PCSK6: variants seen among roughly 807,000 people sequenced by gnomAD.
PCSK6 encodes the protein proprotein convertase subtilisin/kexin type 6, also known as paired basic amino acid cleaving enzyme 4.
A neutral mutation model predicts 123.3 loss-of-function variants in PCSK6; 85 were observed. The observed-to-expected ratio is 0.69, with a 90% CI of 0.58 to 0.83. The LOEUF is 0.83. PCSK6 is among the 40% of genes least tolerant of loss of function. The probability of loss-of-function intolerance (pLI) is 0.00; values close to 1 mark genes in which losing one functional copy is unlikely to be tolerated. For synonymous variants in PCSK6, 508 were observed against 516.0 expected, an observed-to-expected ratio of 0.98 and a Z score of 0.21; for missense variants, 1,191 against 1,282.3, an observed-to-expected ratio of 0.93 and a Z score of 1.09.
chr15:101,360,648 G>GAACGCTTTGCTT, intron 13 of PCSK6, among the ~76,000 whole-genome samples: 1 of 128,926 alleles, frequency 7.8e-6, no homozygotes. Flanking sequence ...AGCATCCCCT[G>GAACGCTTTGCTT]GAACACACCA....
intron 17 of PCSK6, among the ~76,000 whole-genome samples, chr15:101,322,875 G>C (rs1418437323): frequency 1.3e-5 from 2 of 152,350 alleles, no homozygotes; most frequent in Middle Eastern, 3.4e-3. Context: ...AACAGGGATG[G>C]AGGCCAATTC....
At chr15:101,447,867 G>A (rs989917744) in intron 1 of PCSK6, among the ~76,000 whole-genome samples, 1 of 152,104 alleles carries the variant, frequency 6.6e-6, no homozygotes, top group Non-Finnish European at 1.5e-5. Context: ...TTAGAATCAG[G>A]AGCGGTGGCT....
intron 15 of PCSK6, among the ~76,000 whole-genome samples, chr15:101,330,909 T>G (rs1224605972): frequency 1.3e-5 from 2 of 152,232 alleles, no homozygotes; most frequent in African/African-American, 4.8e-5. Context: ...TTGATATGTG[T>G]TGGTGGAATT....
At chr15:101,487,663 A>T (rs1435604682) in intron 1 of PCSK6, among the ~76,000 whole-genome samples, 2 of 152,226 alleles carry the variant, frequency 1.3e-5, no homozygotes, top group African/African-American at 4.8e-5. Context: ...GCGTAGTTTA[A>T]GAGTCACTTT....
intron 9 of PCSK6, among the ~76,000 whole-genome samples, chr15:101,388,643 T>C (rs7168748): frequency 0.85 from 128,952 of 152,184 alleles, 54,873 homozygotes; most frequent in Admixed American, 0.87. Flanking sequence ...AGCCAGCCCC[T>C]GTGTCCTACA....
chr15:101,410,702 C>T (rs571438520), intron 6 of PCSK6, among the ~76,000 whole-genome samples: 6 of 152,330 alleles, frequency 3.9e-5, no homozygotes, highest in African/African-American at 9.6e-5. Context: ...ATCTGGTCAC[C>T]GCGATGTCCT....
At position 101,307,302 on chromosome 15, in the gene PCSK6, C is replaced by T. The variant is rs755948924; in HGVS notation, c.2723G>A (p.Cys908Tyr). The stretch of plus-strand genomic sequence containing the variant: ...GCTACAGTTCCTGCTGGAGCCTGCA[C>T]AGCTCAAGCAGTTCTCGTCACACCT... ...CRRCDENCLS[C>Y]AGSSRNCSRC... The change falls in exon 21 of 22, where the codon TGT becomes TAT. Residue 908 changes from cysteine (C) to tyrosine (Y), a missense_variant. Transcript: ENST00000611716. 6.2e-7 allele frequency: 1 copy of T among 1,613,398 alleles called. No individual in the cohort carries two copies. Among genetic ancestry groups the T allele is most frequent in the Non-Finnish European group, 8.5e-7 (1 of 1,179,608 alleles).
chr15:101,362,690 C>T (rs566892916), intron 13 of PCSK6, among the ~76,000 whole-genome samples: 13 of 152,282 alleles, frequency 8.5e-5, no homozygotes, highest in East Asian at 7.7e-4. Context: ...TTCATCCCAC[C>T]GCAACCCAGT....
chr15:101,346,791 GTCA>G lies in PCSK6; in HGVS notation c.1859-14763_1859-14761del, dbSNP rs1183753146. On this transcript the variant is annotated intron_variant, in intron 13 of 21. Transcript: ENST00000611716. ...AAATTAGCTATGAGGTGAGACAAAG[GTCA>G]TCTTTTTGTTATGCTTTCTACTGGA... The G allele has an allele frequency of 3.3e-6, 4 of 1,230,642 alleles. No homozygotes were observed. In the South Asian group the frequency reaches 1.2e-4, roughly 38 times the overall value. 76.2% of individuals were successfully genotyped at this position (1,230,642 alleles called of 1,614,324 possible). A position where few individuals can be genotyped will look rare whatever the true frequency, so the allele number is the denominator to read the frequency against.
chr15:101,364,943 G>A (rs1326993964), intron 13 of PCSK6: 2 of 764,720 alleles, frequency 2.6e-6, no homozygotes, highest in Non-Finnish European at 4.9e-6. Flanking sequence ...ATATGGTACT[G>A]ACTCCAAGAT....
chr15:101,488,311 C>G (rs7182915), intron 1 of PCSK6, among the ~76,000 whole-genome samples: 33,846 of 152,092 alleles, frequency 0.22, 3,866 homozygotes, highest in Middle Eastern at 0.29. Flanking sequence ...GGTGTGACCT[C>G]AAAATAACGG....
intron 1 of PCSK6, 66 bp downstream of exon 1, chr15:101,489,308 C>G (rs1453302609): frequency 1.0e-6 from 1 of 999,118 alleles, no homozygotes; most frequent in Non-Finnish European, 1.2e-6. Context: ...ACTGCGGAGG[C>G]GCCCCCCTCG....
intron 1 of PCSK6, among the ~76,000 whole-genome samples, chr15:101,483,303 G>C (rs2057937477): frequency 6.6e-6 from 1 of 152,188 alleles, no homozygotes; most frequent in Non-Finnish European, 1.5e-5. Context: ...AGAACAAGTT[G>C]TCTGCAGCAT....
At chr15:101,404,349 C>T (rs2042704769) in intron 6 of PCSK6, among the ~76,000 whole-genome samples, 2 of 152,178 alleles carry the variant, frequency 1.3e-5, no homozygotes, top group Non-Finnish European at 1.5e-5. Context: ...GTATTTTGTC[C>T]TTTCTGGGTG....
intron 2 of PCSK6, among the ~76,000 whole-genome samples, chr15:101,434,145 A>G (rs2056528806): frequency 6.6e-6 from 1 of 152,214 alleles, no homozygotes; most frequent in Non-Finnish European, 1.5e-5. Context: ...CTGAACTAGA[A>G]GGCTTTTTAC....
intron 6 of PCSK6, among the ~76,000 whole-genome samples, chr15:101,414,785 TAAAAAC>T (rs981715263): frequency 1.2e-4 from 18 of 152,156 alleles, no homozygotes; most frequent in African/African-American, 4.3e-4. Context: ...GATGAATAGA[TAAAAAC>T]AAATACAATA....
rs552439062 is a variant in PCSK6 at position 101,307,384 on chromosome 15, C to T, written c.2700-59G>A. ...GGAAGAGGCTCCACCACTCCGGGCT[C>T]CCTTCCCAGAACCCTCACCTCCCTG... On this transcript the variant is annotated intron_variant, in intron 20 of 21. Transcript: ENST00000611716. The T allele has an allele frequency of 8.2e-5, 106 of 1,295,848 alleles. No individual in the cohort carries two copies. In the East Asian group the frequency reaches 2.6e-3, roughly 32 times the overall value. 80.3% of individuals were successfully genotyped at this position (1,295,848 alleles called of 1,614,324 possible).
At chr15:101,335,011 G>T (rs776332927) in intron 13 of PCSK6, among the ~76,000 whole-genome samples, 6 of 152,176 alleles carry the variant, frequency 3.9e-5, no homozygotes, top group Non-Finnish European at 8.8e-5. Context: ...CTAGGCTGGA[G>T]TACAGTGGTA....
chr15:101,470,485 C>T (rs952875166), intron 1 of PCSK6, among the ~76,000 whole-genome samples: 3 of 152,192 alleles, frequency 2.0e-5, no homozygotes, highest in Non-Finnish European at 4.4e-5. Flanking sequence ...ACATCTTCCT[C>T]TTGGTACTAA....
Sources: allele counts gnomAD v4.1 joint callset (sites outside exome capture counted in the v4.1 genomes callset), GRCh38; gene constraint gnomAD v4.1.1; transcripts MANE v1.5; gene names NCBI Gene and HGNC (gene_info 2026-07-23, HGNC 2026-07-21).